Variants in MINDY1 observed in about 807,000 individuals in gnomAD.
MINDY1 encodes ubiquitin carboxyl-terminal hydrolase MINDY-1.
MINDY1 carries 50 observed loss-of-function variants against 53.6 expected under a neutral mutation model. The ratio of observed to expected loss-of-function variants is 0.93; its 90% CI spans 0.74 to 1.18. MINDY1 has a LOEUF of 1.18. MINDY1 is among the 50% of genes most tolerant of loss of function. The pLI is 0.00. For missense variants in MINDY1, 484 were observed against 578.6 expected, an observed-to-expected ratio of 0.84 and a Z score of 1.68; for synonymous variants, 231 against 234.7, an observed-to-expected ratio of 0.98 and a Z score of 0.14.
At chr1:150,996,665 C>T (rs1671868971), downstream of MINDY1, 1 of 151,434 alleles carries the variant, frequency 6.6e-6, no homozygotes, top group African/African-American at 2.4e-5. Context: ...GCCTCAGCCT[C>T]CCGAGTAGCT....
At position 150,997,264 on chromosome 1, in the gene MINDY1, G is replaced by A; in HGVS notation, c.*23C>T. Reference sequence around the variant, plus strand: ...CCATAGCCTCTGGAAGAAGGGGCAGGCCAGCCTGGCACTGGGGCAGAGCTA... The same window carrying A: ...CCATAGCCTCTGGAAGAAGGGGCAGACCAGCCTGGCACTGGGGCAGAGCTA... On this transcript the variant is annotated 3_prime_UTR_variant, in exon 10 of 10. Coordinates refer to ENST00000683666, the MANE Select transcript of MINDY1 (RefSeq NM_001376665.1). 5 of 1,569,334 alleles carry A rather than the reference G, an allele frequency of 3.2e-6. No homozygotes were observed. Among genetic ancestry groups the A allele is most frequent in the Non-Finnish European group, 4.3e-6 (5 of 1,155,258 alleles).
At position 150,997,071 on chromosome 1, in the gene MINDY1, C is replaced by A. The variant is rs1251017051; in HGVS notation, c.*216G>T. ...CGGGAGTTGAGAACCAGAAACCCAC[C>A]AATCCTAGTGTTGCCCTGGATGGGA... On this transcript the variant is annotated 3_prime_UTR_variant, in exon 10 of 10. Coordinates refer to ENST00000683666, the MANE Select transcript of MINDY1 (RefSeq NM_001376665.1). 5 of 596,956 alleles carry A rather than the reference C, an allele frequency of 8.4e-6. No homozygotes were observed. Among genetic ancestry groups the A allele is most frequent in the Non-Finnish European group, 1.5e-5 (5 of 333,212 alleles). The allele number at this position is 596,956 out of a possible 1,614,324, so 37.0% of individuals were successfully genotyped here.
rs763802307 is a variant in MINDY1 at position 150,999,914 on chromosome 1, C to T, written c.786G>A (p.Val262=). 5 of 1,614,058 alleles carry T rather than the reference C, an allele frequency of 3.1e-6. No homozygotes were observed. The Admixed American group carries it at 6.7e-5, about 22-fold the overall frequency. Residue 262 remains valine, a synonymous_variant, in exon 6 of 10, where the codon GTG becomes GTA. Coordinates refer to ENST00000683666, the MANE Select transcript of MINDY1 (RefSeq NM_001376665.1). This position sits in a 1 kb window ranked among gnomAD's most constrained non-coding sequence, Gnocchi z 4.4. The stretch of plus-strand genomic sequence containing the variant: ...AGTGTTTGCAGGTGATGATCCTCTC[C>T]ACCAGCTGGTTGTAACTCAGTTTCC... The part of the protein sequence containing the change: ...AVGKLSYNQL[V]ERIITCKHSS...
Position 150,999,396 on chromosome 1 carries a change from G to A in MINDY1, c.954C>T (p.Asn318=), listed in dbSNP as rs771507332. ...TATGCTTAGTCATGGTGCTAAAGTGGTTGTTTCGGAAAAAGACGCTAAGTT... is the reference window on the plus strand; with the variant it reads ...TATGCTTAGTCATGGTGCTAAAGTGATTGTTTCGGAAAAAGACGCTAAGTT... The part of the protein sequence containing the change: ...EGELSVFFRN[N]HFSTMTKHKS... The change falls in exon 7 of 10, where the codon AAC becomes AAT. Residue 318 remains asparagine, a synonymous_variant. Coordinates refer to ENST00000683666, the MANE Select transcript of MINDY1 (RefSeq NM_001376665.1). The surrounding 1 kb of genome is among the most constrained non-coding windows in gnomAD (Gnocchi z 4.4). The A allele has an allele frequency of 6.2e-7, 1 of 1,614,130 alleles. No individual in the cohort carries two copies. Among genetic ancestry groups the A allele is most frequent in the South Asian group, 1.1e-5 (1 of 91,076 alleles).
At chr1:151,005,927 C>T (rs765003111) in intron 1 of MINDY1, among the ~76,000 whole-genome samples, 4 of 152,184 alleles carry the variant, frequency 2.6e-5, no homozygotes, top group Non-Finnish European at 4.4e-5. Context: ...GGAAGAAGCA[C>T]GTAAAACAGG....
chr1:151,006,165 A>C (rs587764186), intron 1 of MINDY1, 147 bp downstream of exon 1: 1 of 1,551,642 alleles, frequency 6.4e-7, no homozygotes, highest in East Asian at 2.4e-5. Context: ...TCCCCTTTAC[A>C]TGTCTCTCCT....
intron 8 of MINDY1, 67 bp downstream of exon 8, chr1:150,998,015 A>G: frequency 1.3e-6 from 2 of 1,493,700 alleles, no homozygotes; most frequent in Non-Finnish European, 1.8e-6. Flanking sequence ...AGCAGTTAAA[A>G]TGTATGCAGT....
At chr1:151,000,366 C>T (rs1672404136) in intron 5 of MINDY1, 91 bp downstream of exon 5, 10 of 1,353,614 alleles carry the variant, frequency 7.4e-6, no homozygotes, top group Non-Finnish European at 9.0e-6. Flanking sequence ...CCAATCTAAC[C>T]CCTAACTCCC....
At chr1:151,001,137 T>G in intron 4 of MINDY1, 113 bp downstream of exon 4, 1 of 1,114,648 alleles carries the variant, frequency 9.0e-7, no homozygotes, top group Non-Finnish European at 1.3e-6. Context: ...TCCTGCAGAA[T>G]GAAATCATGG....
rs1373328906 is a variant in MINDY1, at chr1:151,001,725, C to G, written c.511G>C (p.Gly171Arg). ...ITSDELMAHL[G>R]NCLLSIKPQE... ...TCCTCTTCAACGCCCAGTCACTCACCAAGATGGGCCATGAGCTCATCCGAT... is the reference window on the plus strand; with the variant it reads ...TCCTCTTCAACGCCCAGTCACTCACGAAGATGGGCCATGAGCTCATCCGAT... The change falls in exon 3 of 10, where the codon GGA (glycine) becomes CGA (arginine). Residue 171 changes from glycine (G) to arginine (R), a missense_variant and splice_region_variant. Transcript: ENST00000683666. 1 of 1,610,424 alleles carries G rather than the reference C, an allele frequency of 6.2e-7. No individual in the cohort carries two copies.
At chr1:151,001,870 T>C in intron 2 of MINDY1, 88 bp from the exon 3 acceptor site, 1 of 1,424,270 alleles carries the variant, frequency 7.0e-7, no homozygotes, top group Non-Finnish European at 9.5e-7. Flanking sequence ...GGAGCTCCAG[T>C]AGTAGGGTGG....
In MINDY1 at chr1:150,999,907, T is replaced by C. The variant is rs767627973; in HGVS notation, c.793A>G (p.Ile265Val). 10 of 1,613,818 alleles carry C rather than the reference T, an allele frequency of 6.2e-6. No individual in the cohort carries two copies. Among genetic ancestry groups the C allele is most frequent in the Non-Finnish European group, 6.8e-6 (8 of 1,179,996 alleles). The change falls in exon 6 of 10, where the codon ATC becomes GTC. Residue 265 changes from isoleucine (I) to valine (V), a missense_variant. Physicochemically the swap from Ile to Val is conservative, Grantham distance 29. Transcript: ENST00000683666. The surrounding 1 kb of genome is among the most constrained non-coding windows in gnomAD (Gnocchi z 4.4). Reference sequence around the variant, plus strand: ...TCACTGGAGTGTTTGCAGGTGATGATCCTCTCCACCAGCTGGTTGTAACTC... The same window carrying C: ...TCACTGGAGTGTTTGCAGGTGATGACCCTCTCCACCAGCTGGTTGTAACTC... ...KLSYNQLVER[I>V]ITCKHSSDTN...
In MINDY1 at chr1:150,997,571, C is replaced by T. The variant is rs587715402; in HGVS notation, c.1329+53G>A. The T allele has an allele frequency of 7.4e-5, 119 of 1,602,066 alleles. No individual in the cohort carries two copies. In the South Asian group the frequency reaches 9.2e-4, roughly 12 times the overall value. On this transcript the variant is annotated intron_variant, in intron 9 of 9. Coordinates refer to ENST00000683666, the MANE Select transcript of MINDY1 (RefSeq NM_001376665.1). ...GCAGGAATAACAGGTGTTCTGGACC[C>T]GGCAAAGCATGAGGTGGAAACCGGG...
chr1:151,004,683 A>G (rs957999050), intron 1 of MINDY1, among the ~76,000 whole-genome samples: 2 of 151,834 alleles, frequency 1.3e-5, no homozygotes, highest in African/African-American at 4.8e-5. Context: ...GTGAGCTGAG[A>G]TGGTGACACT....
At position 150,997,822 on chromosome 1, in the gene MINDY1, C is replaced by T. The variant is rs777202995; in HGVS notation, c.1174-43G>A. The T allele has an allele frequency of 1.2e-5, 18 of 1,563,128 alleles. 1 individual carries two copies. Among genetic ancestry groups the T allele is most frequent in the South Asian group, 1.1e-4 (9 of 84,948 alleles). Reference sequence around the variant, plus strand: ...TGTGCAGTGGGCTGAGGCCCAGAGCCGTGGCTATTCAGGCAAGGTTTCCAA... The same window carrying T: ...TGTGCAGTGGGCTGAGGCCCAGAGCTGTGGCTATTCAGGCAAGGTTTCCAA... On this transcript the variant is annotated intron_variant, in intron 8 of 9. Coordinates refer to ENST00000683666, the MANE Select transcript of MINDY1 (RefSeq NM_001376665.1).
upstream of MINDY1, chr1:151,008,143 A>C (rs1673429521): frequency 1.3e-6 from 1 of 771,196 alleles, no homozygotes; most frequent in South Asian, 4.7e-5. Context: ...GTGTCATTTA[A>C]AATGTCACCA....
chr1:151,008,365 C>A, upstream of MINDY1: 1 of 1,298,408 alleles, frequency 7.7e-7, no homozygotes, highest in Non-Finnish European at 1.0e-6. Flanking sequence ...CCCCCTTGGC[C>A]TCGCCGGAAA....
intron 3 of MINDY1, 31 bp from the exon 4 acceptor site, chr1:151,001,345 C>T (rs374272820): frequency 6.2e-7 from 1 of 1,610,730 alleles, no homozygotes; most frequent in South Asian, 1.1e-5. Flanking sequence ...TCAGCTTACC[C>T]CACCAATCAT....
In MINDY1 at chr1:151,002,894, A is replaced by C; in HGVS notation, c.-89-188T>G. The C allele has an allele frequency of 7.2e-7, 1 of 1,393,382 alleles. No homozygotes were observed. Among genetic ancestry groups the C allele is most frequent in the Non-Finnish European group, 9.3e-7 (1 of 1,076,130 alleles). The allele number at this position is 1,393,382 out of a possible 1,614,324, so 86.3% of individuals were successfully genotyped here. On this transcript the variant is annotated intron_variant, in intron 1 of 9. Coordinates refer to ENST00000683666, the MANE Select transcript of MINDY1 (RefSeq NM_001376665.1). This position sits in a 1 kb window ranked among gnomAD's most constrained non-coding sequence, Gnocchi z 4.1. ...CTCTAACTTGCTGTGACCAGATGAG[A>C]CCAAGAGGTCGTGGGGCTTCCAGAC...
Sources: allele counts gnomAD v4.1 joint callset (sites outside exome capture counted in the v4.1 genomes callset), GRCh38; gene constraint gnomAD v4.1.1; non-coding constraint Gnocchi (gnomAD v3.1); transcripts MANE v1.5; gene names NCBI Gene and HGNC (gene_info 2026-07-23, HGNC 2026-07-21).